Variants in PRKD1 observed in about 807,000 individuals in gnomAD.
PRKD1 encodes serine/threonine-protein kinase D1.
PRKD1 carries 63 observed loss-of-function variants against 95.9 expected under a neutral mutation model. That is an observed-to-expected ratio of 0.66 (90% CI 0.54 to 0.81). PRKD1 has a LOEUF of 0.81. PRKD1 is among the 30% of genes least tolerant of loss of function. The pLI is 0.00. For synonymous variants in PRKD1, 425 were observed against 423.1 expected (o/e 1.00, Z -0.05); for missense variants, 1,048 against 1,165.3 (o/e 0.90, Z 1.47).
intron 13 of PRKD1, among the ~76,000 whole-genome samples, chr14:29,615,266 AG>A (rs1485801488): frequency 6.6e-6 from 1 of 152,232 alleles, no homozygotes; most frequent in Admixed American, 6.5e-5. Flanking sequence ...GTGATATGAC[AG>A]CTTTATTGTC....
intron 1 of PRKD1, among the ~76,000 whole-genome samples, chr14:29,736,701 C>G (rs565350370): frequency 6.6e-6 from 1 of 152,294 alleles, no homozygotes; most frequent in African/African-American, 2.4e-5. Context: ...ACAATCCAGG[C>G]ACTGGTCCTA....
intron 1 of PRKD1, among the ~76,000 whole-genome samples, chr14:29,737,328 C>CAAA (rs796557046): frequency 0.022 from 817 of 37,988 alleles, 130 homozygotes; most frequent in Non-Finnish European, 0.026. Flanking sequence ...GACTCCGTCT[C>CAAA]AAAAAAAAAA....
At chr14:29,595,387 C>T (rs1893263631) in intron 16 of PRKD1, among the ~76,000 whole-genome samples, 1 of 152,144 alleles carries the variant, frequency 6.6e-6, no homozygotes, top group African/African-American at 2.4e-5. Flanking sequence ...GGTTTTCCAC[C>T]TAGGTAACAA....
intron 1 of PRKD1, among the ~76,000 whole-genome samples, chr14:29,798,508 T>G (rs1337706244): frequency 6.6e-6 from 1 of 152,190 alleles, no homozygotes; most frequent in Non-Finnish European, 1.5e-5. Flanking sequence ...AGCAATAGGC[T>G]AAAGTCTTCT....
intron 1 of PRKD1, among the ~76,000 whole-genome samples, chr14:29,926,832 G>A (rs10136137): frequency 0.46 from 70,367 of 151,584 alleles, 17,696 homozygotes; most frequent in African/African-American, 0.66. Context: ...AGGTCATTCC[G>A]GGGGCACTCT....
At chr14:29,849,902 C>T (rs182487337) in intron 1 of PRKD1, among the ~76,000 whole-genome samples, 36 of 152,056 alleles carry the variant, frequency 2.4e-4, no homozygotes, top group Admixed American at 1.0e-3. Flanking sequence ...ACAACATATG[C>T]CAATCAATAA....
intron 1 of PRKD1, among the ~76,000 whole-genome samples, chr14:29,925,346 G>C (rs1895259597): frequency 6.6e-6 from 1 of 152,146 alleles, no homozygotes; most frequent in African/African-American, 2.4e-5. Flanking sequence ...CCATCTTTCA[G>C]ATGTCCTTGG....
intron 1 of PRKD1, among the ~76,000 whole-genome samples, chr14:29,845,904 C>T (rs1892060541): frequency 6.6e-6 from 1 of 152,128 alleles, no homozygotes; most frequent in Non-Finnish European, 1.5e-5. Flanking sequence ...TTAAAATTTA[C>T]AATCTAAAAT....
chr14:29,578,373 A>G lies in PRKD1; in HGVS notation c.2435-13T>C, dbSNP rs1892636352. The G allele has an allele frequency of 1.3e-6, 2 of 1,581,878 alleles. No homozygotes were observed. Among genetic ancestry groups the G allele is most frequent in the Non-Finnish European group, 8.6e-7 (1 of 1,156,450 alleles). ...ATAAGATCAATGGCTGAAAAAAATTACCAGTAAAAATAGATGACAAATCTG... is the reference window on the plus strand; with the variant it reads ...ATAAGATCAATGGCTGAAAAAAATTGCCAGTAAAAATAGATGACAAATCTG... On this transcript the variant is annotated splice_polypyrimidine_tract_variant and intron_variant, in intron 16 of 17. Transcript: ENST00000331968.
chr14:29,607,120 G>C (rs867499781), intron 13 of PRKD1, among the ~76,000 whole-genome samples: 1 of 152,140 alleles, frequency 6.6e-6, no homozygotes, highest in Non-Finnish European at 1.5e-5. Context: ...TTACTACTGG[G>C]TAAATTTTAT....
intron 1 of PRKD1, among the ~76,000 whole-genome samples, chr14:29,829,163 C>T (rs1000774541): frequency 1.3e-5 from 2 of 152,138 alleles, no homozygotes; most frequent in African/African-American, 2.4e-5. Flanking sequence ...GAGTCCAGCC[C>T]CATCCCATTC....
At position 29,854,398 on chromosome 14, in the gene PRKD1, G is replaced by T. The variant is rs576772455; in HGVS notation, c.264+72851C>A. 2.0e-5 allele frequency among the ~76,000 whole-genome samples: 3 copies of T among 152,242 alleles called. No homozygotes were observed. The East Asian group carries it at 5.8e-4, about 29-fold the overall frequency. On this transcript the variant is annotated intron_variant, in intron 1 of 17. Coordinates refer to ENST00000331968, the MANE Select transcript of PRKD1 (RefSeq NM_002742.3). The stretch of plus-strand genomic sequence containing the variant: ...CTTATGTTTTAGTAAAGATGCTGGT[G>T]GCATTCTGCCCCTGCCCTAGAGATG...
chr14:29,679,441 C>G (rs572923999), intron 2 of PRKD1, among the ~76,000 whole-genome samples: 1 of 152,258 alleles, frequency 6.6e-6, no homozygotes, highest in South Asian at 2.1e-4. Context: ...ATTATTTTGA[C>G]ACTCAGCATG....
chr14:29,765,758 AAAGC>A (rs1239063220), intron 1 of PRKD1, among the ~76,000 whole-genome samples: 1 of 152,232 alleles, frequency 6.6e-6, no homozygotes, highest in Non-Finnish European at 1.5e-5. Flanking sequence ...AGTAAATGTA[AAAGC>A]AAGTCATTAA....
intron 1 of PRKD1, among the ~76,000 whole-genome samples, chr14:29,764,745 G>A (rs1252760406): frequency 6.6e-6 from 1 of 152,098 alleles, no homozygotes; most frequent in African/African-American, 2.4e-5. Context: ...TTTTGCATTG[G>A]GGATTAAGTT....
At chr14:29,906,887 T>C (rs1490783922) in intron 1 of PRKD1, among the ~76,000 whole-genome samples, 2 of 152,254 alleles carry the variant, frequency 1.3e-5, no homozygotes, top group African/African-American at 2.4e-5. Context: ...AAAGACTTTA[T>C]TGTTTCCTCA....
chr14:29,847,763 T>C (rs1050836259), intron 1 of PRKD1, among the ~76,000 whole-genome samples: 1 of 152,162 alleles, frequency 6.6e-6, no homozygotes, highest in African/African-American at 2.4e-5. Flanking sequence ...TGCTATGTTC[T>C]TGAAGGGGCA....
At chr14:29,637,163 G>A (rs1170014035) in intron 6 of PRKD1, among the ~76,000 whole-genome samples, 2 of 151,836 alleles carry the variant, frequency 1.3e-5, no homozygotes, top group Non-Finnish European at 2.9e-5. Flanking sequence ...GCACAGCCCT[G>A]GTGGGAAAAA....
intron 1 of PRKD1, among the ~76,000 whole-genome samples, chr14:29,867,788 A>G (rs748579482): frequency 6.6e-6 from 1 of 152,184 alleles, no homozygotes; most frequent in Non-Finnish European, 1.5e-5. Context: ...AATGTCCCAA[A>G]AGTAGATGAT....
Sources: allele counts gnomAD v4.1 joint callset (sites outside exome capture counted in the v4.1 genomes callset), GRCh38; gene constraint gnomAD v4.1.1; transcripts MANE v1.5; gene names NCBI Gene and HGNC (gene_info 2026-07-23, HGNC 2026-07-21).